Variants in PITPNM2 observed in about 807,000 individuals in gnomAD.
PITPNM2 encodes the protein membrane-associated phosphatidylinositol transfer protein 2.
In PITPNM2, 35 loss-of-function variants were observed where a neutral mutation model predicts 132.2. The observed-to-expected ratio is 0.26, with a 90% CI of 0.20 to 0.35. The LOEUF is 0.35. Ranked by LOEUF, PITPNM2 falls within the 10% of genes least tolerant of loss-of-function variation. The pLI is 1.00. For missense variants in PITPNM2, 1,332 were observed against 1,912.0 expected (o/e 0.70, Z 5.66); for synonymous variants, 738 against 799.2 (o/e 0.92, Z 1.29).
Position 123,004,661 on chromosome 12 carries a change from C to G in PITPNM2, c.953-172G>C. ...ATGAAGTGTGTAAATGAGTGGGGAG[C>G]GGCCTAGGCTCATCTCCTGTCCGCC... is the stretch of plus-strand genomic sequence containing the variant. On this transcript the variant is annotated intron_variant, in intron 7 of 25. Transcript: ENST00000320201. This position sits in a 1 kb window ranked among gnomAD's most constrained non-coding sequence, Gnocchi z 4.9. 1 of 644,770 alleles carries G rather than the reference C, an allele frequency of 1.6e-6. No homozygotes were observed. The highest frequency in any genetic ancestry group is 2.8e-6 in the Non-Finnish European group (1 of 357,822). The allele number at this position is 644,770 out of a possible 1,614,324, so 39.9% of individuals were successfully genotyped here. A position where few individuals can be genotyped will look rare whatever the true frequency, so the allele number is the denominator to read the frequency against.
intron 1 of PITPNM2, among the ~76,000 whole-genome samples, chr12:123,122,950 C>T (rs2043060823): frequency 1.3e-5 from 2 of 152,184 alleles, no homozygotes; most frequent in African/African-American, 4.8e-5. Flanking sequence ...ATTGGTACTA[C>T]CTTTATGGAG....
At chr12:123,057,776 A>G (rs1399458032) in intron 2 of PITPNM2, among the ~76,000 whole-genome samples, 2 of 152,200 alleles carry the variant, frequency 1.3e-5, no homozygotes, top group Non-Finnish European at 2.9e-5. Context: ...AACAAGCCCT[A>G]GGAGGCTATG....
chr12:123,137,130 T>C (rs747050107), intron 1 of PITPNM2, among the ~76,000 whole-genome samples: 14 of 152,130 alleles, frequency 9.2e-5, no homozygotes, highest in Non-Finnish European at 1.6e-4. Context: ...CGGCTGCCCA[T>C]GTCATCCTCC....
intron 16 of PITPNM2, 60 bp from the exon 17 acceptor site, chr12:122,990,769 T>C: frequency 6.6e-7 from 1 of 1,509,962 alleles, no homozygotes; most frequent in East Asian, 2.3e-5. Flanking sequence ...CCCGGAGCAG[T>C]GGGGAAGCCA....
At position 122,995,594 on chromosome 12, in the gene PITPNM2, C is replaced by G. The variant is rs759761818; in HGVS notation, c.1849G>C (p.Gly617Arg). ...AAHCCGGGGG[G>R]GGGGGSSGGG... ...CCACTGCTGCCACCACCGCCACCGC[C>G]GCCACCGCCACCACCGCAGCAGTGT... is the stretch of plus-strand genomic sequence containing the variant. The change falls in exon 14 of 26, where the codon GGC becomes CGC. Residue 617 changes from glycine to arginine, a missense_variant. Gly to Arg is a moderately radical substitution (Grantham distance 125, BLOSUM62 -2). Around this residue, in one of 6 missense-constraint regions of PITPNM2, gnomAD observed 710 missense variants for 911.5 expected, o/e 0.78. Coordinates refer to ENST00000320201, the MANE Select transcript of PITPNM2 (RefSeq NM_020845.3). 3 of 1,605,018 alleles carry G rather than the reference C, an allele frequency of 1.9e-6. No individual in the cohort carries two copies. In the East Asian group the frequency reaches 6.7e-5, roughly 36 times the overall value.
chr12:123,121,792 G>C (rs529978168), intron 1 of PITPNM2, among the ~76,000 whole-genome samples: 1 of 151,608 alleles, frequency 6.6e-6, no homozygotes, highest in Non-Finnish European at 1.5e-5. Flanking sequence ...CAATCCTCCC[G>C]CCTCTGCCTC....
At chr12:123,140,699 AC>A (rs2043487518) in intron 1 of PITPNM2, among the ~76,000 whole-genome samples, 1 of 151,030 alleles carries the variant, frequency 6.6e-6, no homozygotes, top group African/African-American at 2.4e-5. Flanking sequence ...AGACTCCTAA[AC>A]CCCCCAGGAC....
chr12:123,012,371 G>T (rs1430068658), intron 5 of PITPNM2, among the ~76,000 whole-genome samples: 4 of 152,230 alleles, frequency 2.6e-5, no homozygotes, highest in African/African-American at 9.6e-5. Context: ...CAAAGGGATG[G>T]AGGGAAGCAG....
At position 123,022,794 on chromosome 12, in the gene PITPNM2, G is replaced by A. The variant is rs1337398936; in HGVS notation, c.79-8752C>T. Among the ~76,000 whole-genome samples the A allele has an allele frequency of 6.6e-6, 1 of 152,228 alleles. No individual in the cohort carries two copies. Among genetic ancestry groups the A allele is most frequent in the Non-Finnish European group, 1.5e-5 (1 of 68,042 alleles). On this transcript the variant is annotated intron_variant, in intron 3 of 25. Coordinates refer to ENST00000320201, the MANE Select transcript of PITPNM2 (RefSeq NM_020845.3). The surrounding 1 kb of genome is among the most constrained non-coding windows in gnomAD (Gnocchi z 4.9). Reference sequence around the variant, plus strand: ...ACCTAATAGGCACCAGGCATGGTGGGTAGCTGGTCTGGCAGGAATTGAGGG... The same window carrying A: ...ACCTAATAGGCACCAGGCATGGTGGATAGCTGGTCTGGCAGGAATTGAGGG...
At chr12:123,037,348 A>G (rs183826560) in intron 2 of PITPNM2, among the ~76,000 whole-genome samples, 54 of 152,310 alleles carry the variant, frequency 3.5e-4, no homozygotes, top group East Asian at 2.5e-3. Context: ...TTGAAGTTCA[A>G]TGGGGGTTGT....
At chr12:123,101,143 T>C (rs1312905346) in intron 2 of PITPNM2, among the ~76,000 whole-genome samples, 1 of 152,244 alleles carries the variant, frequency 6.6e-6, no homozygotes, top group African/African-American at 2.4e-5. Context: ...CTGGTTTTCT[T>C]ATTTGTTTTC....
rs577048050 is a variant in PITPNM2 at position 123,015,926 on chromosome 12, T to C, written c.79-1884A>G. ...ACAACAAAACAACACAATTCAAACA[T>C]GAGCAAAGGACTTGAATAGCCATTT... On this transcript the variant is annotated intron_variant, in intron 3 of 25. Transcript: ENST00000320201. 3.9e-5 allele frequency among the ~76,000 whole-genome samples: 6 copies of C among 152,256 alleles called. 1 individual carries two copies. In the South Asian group the frequency reaches 6.2e-4, roughly 16 times the overall value.
chr12:123,107,543 T>G (rs968625564), intron 2 of PITPNM2, among the ~76,000 whole-genome samples: 1 of 152,214 alleles, frequency 6.6e-6, no homozygotes, highest in Non-Finnish European at 1.5e-5. Context: ...CCCTGGTCCT[T>G]GAGCCCTTTC....
In PITPNM2 at chr12:123,005,478, G is replaced by C; in HGVS notation, c.714C>G (p.Ser238Arg). ...TCTCCAGCTCCCGGATGTTCTCCAT[G>C]CTCAGCCCATACCACTCGTCCTGCC... ...WCWQDEWYGLSMENIRELEKE... is the reference protein window; with the variant it reads ...WCWQDEWYGLRMENIRELEKE... The change falls in exon 7 of 26, where the codon AGC becomes AGG. Residue 238 changes from serine (S) to arginine (R), a missense_variant. Physicochemically the swap from Ser to Arg is moderately radical, Grantham distance 110 (BLOSUM62 -1). Transcript: ENST00000320201. The surrounding 1 kb of genome is among the most constrained non-coding windows in gnomAD (Gnocchi z 6.2). 6.2e-7 allele frequency: 1 copy of C among 1,613,994 alleles called. No homozygotes were observed.
chr12:122,991,850 A>AG (rs747013302), intron 16 of PITPNM2: 3 of 1,306,630 alleles, frequency 2.3e-6, no homozygotes, highest in South Asian at 2.9e-5. Flanking sequence ...GAGAGGGGCC[A>AG]GGGGGCCGCC....
chr12:123,127,197 C>G (rs2137504331), intron 1 of PITPNM2, among the ~76,000 whole-genome samples: 1 of 152,288 alleles, frequency 6.6e-6, no homozygotes, highest in East Asian at 1.9e-4. Context: ...TGGAAGAGTC[C>G]TCAGAATAAC....
intron 8 of PITPNM2, among the ~76,000 whole-genome samples, chr12:123,001,579 T>C (rs1024114470): frequency 6.6e-6 from 1 of 152,248 alleles, no homozygotes; most frequent in African/African-American, 2.4e-5. Flanking sequence ...GTCTTGTGTC[T>C]GGCTTCTTGC....
At chr12:123,104,583 C>G (rs1393982423) in intron 2 of PITPNM2, among the ~76,000 whole-genome samples, 2 of 152,154 alleles carry the variant, frequency 1.3e-5, no homozygotes, top group Non-Finnish European at 2.9e-5. Flanking sequence ...AAAGCTCCCC[C>G]ACTGAGCACC....
intron 6 of PITPNM2, among the ~76,000 whole-genome samples, chr12:123,006,719 GTAATAATAATAATAATAA>G (rs10612599): frequency 4.3e-5 from 6 of 140,112 alleles, no homozygotes; most frequent in Admixed American, 2.2e-4. Context: ...TCTCAAAATA[GTAATAATAATAATAATAA>G]TAATAATAAT....
Sources: gnomAD v4.1 joint callset for allele counts (sites outside exome capture counted in the v4.1 genomes callset) on GRCh38, gnomAD v4.1.1 for gene constraint, gnomAD v4.1.1 regional missense constraint, Gnocchi (gnomAD v3.1) non-coding constraint, MANE v1.5 for transcripts, NCBI Gene and HGNC (gene_info 2026-07-23, HGNC 2026-07-21) for gene names.